Variants in SBF2 observed in about 807,000 individuals in gnomAD.
SBF2 encodes the protein myotubularin-related protein 13.
SBF2 carries 112 observed loss-of-function variants against 225.2 expected under a neutral mutation model. The observed-to-expected ratio is 0.50, with a 90% CI of 0.43 to 0.58. The LOEUF is 0.58. Ranked by LOEUF, SBF2 falls within the 20% of genes least tolerant of loss-of-function variation. The pLI, the probability that SBF2 is intolerant of heterozygous loss-of-function variation, is 0.00. For missense variants in SBF2, 1,996 were observed against 2,206.2 expected (o/e 0.90, Z 1.91); for synonymous variants, 763 against 773.3 (o/e 0.99, Z 0.22).
At chr11:10,061,797 C>G (rs879715191) in intron 2 of SBF2, among the ~76,000 whole-genome samples, 1 of 152,144 alleles carries the variant, frequency 6.6e-6, no homozygotes. Flanking sequence ...AATGCTATTC[C>G]TATCAAACTA....
At chr11:10,100,240 C>T (rs866375036) in intron 2 of SBF2, among the ~76,000 whole-genome samples, 1 of 152,226 alleles carries the variant, frequency 6.6e-6, no homozygotes. Context: ...GTGTTAATTA[C>T]TCTTTCTCTA....
intron 2 of SBF2, among the ~76,000 whole-genome samples, chr11:10,161,235 A>C (rs542113593): frequency 7.9e-5 from 12 of 151,736 alleles, no homozygotes; most frequent in Non-Finnish European, 1.5e-4. Flanking sequence ...GCAGTTTTCA[A>C]TCGTTTTTTT....
chr11:9,981,908 G>A, intron 13 of SBF2, among the ~76,000 whole-genome samples: 1 of 152,060 alleles, frequency 6.6e-6, no homozygotes, highest in East Asian at 1.9e-4. Flanking sequence ...ACTTTTCCCT[G>A]GAGGACTATA....
rs757476668 is a variant in SBF2 at position 10,129,100 on chromosome 11, C to CTTT, written c.141+64799_141+64801dup. ...TTGTTATTTGCACGCAATTTTCTCT[C>CTTT]TTTTTTTTTTTTTTTTTTTTTTTTT... On this transcript the variant is annotated intron_variant, in intron 2 of 39. Transcript: ENST00000256190. Among the ~76,000 whole-genome samples, 402 of 89,950 alleles carry CTTT rather than the reference C, an allele frequency of 4.5e-3. 2 individuals are homozygous for CTTT. Among genetic ancestry groups the CTTT allele is most frequent in the Middle Eastern group, 0.018 (2 of 110 alleles). 59.0% of individuals were successfully genotyped at this position (89,950 alleles called of 152,430 possible).
chr11:9,789,178 C>T lies in SBF2; in HGVS notation c.4863G>A (p.Arg1621=). ...LAGEAGPRSQ[R]RTVWPCYDDV... is the part of the protein sequence containing the mutation. ...CATCATAGCATGGCCACACTGTTCT[C>T]CTCTGGCTCCGTGGCCCAGCTTCTC... is the stretch of plus-strand genomic sequence containing the variant. Residue 1621 remains arginine, a synonymous_variant, in exon 35 of 40, where the codon AGG becomes AGA. Transcript: ENST00000256190. The T allele has an allele frequency of 6.2e-7, 1 of 1,614,138 alleles. No homozygotes were observed.
chr11:10,077,166 T>C (rs1179422975), intron 2 of SBF2, among the ~76,000 whole-genome samples: 1 of 152,088 alleles, frequency 6.6e-6, no homozygotes, highest in Non-Finnish European at 1.5e-5. Context: ...CACAAACAAA[T>C]GGAAGAACAT....
intron 1 of SBF2, among the ~76,000 whole-genome samples, chr11:10,261,744 G>A (rs187785015): frequency 6.6e-6 from 1 of 152,288 alleles, no homozygotes; most frequent in East Asian, 1.9e-4. Context: ...CAATAGAATG[G>A]ATATGCAAAC....
At chr11:10,145,231 T>A (rs1191154180) in intron 2 of SBF2, among the ~76,000 whole-genome samples, 1 of 152,206 alleles carries the variant, frequency 6.6e-6, no homozygotes, top group Non-Finnish European at 1.5e-5. Context: ...ATTCAAAGGC[T>A]ATGACTGCCA....
Position 9,812,622 on chromosome 11 carries a change from C to A in SBF2, c.4065G>T (p.Lys1355Asn), listed in dbSNP as rs1242854324. The change falls in exon 30 of 40, where the codon AAG becomes AAT. Residue 1355 changes from lysine (K) to asparagine (N), a missense_variant. By Grantham distance (94) the Lys-to-Asn change is moderately conservative. Transcript: ENST00000256190. The stretch of plus-strand genomic sequence containing the variant: ...TGCTTGGGATACAAGCCCTCATCAG[C>A]TTCTTAAAACTGGCTTTCACTTGCC... ...EIRQVKASFK[K>N]LMRACIPSTI... 4 of 1,614,196 alleles carry A rather than the reference C, an allele frequency of 2.5e-6. No homozygotes were observed. The highest frequency in any genetic ancestry group is 3.3e-5 in the Admixed American group (2 of 60,026).
chr11:10,029,283 A>G (rs1191724614), intron 5 of SBF2, among the ~76,000 whole-genome samples: 1 of 152,224 alleles, frequency 6.6e-6, no homozygotes, highest in Non-Finnish European at 1.5e-5. Context: ...GAAAATCTCA[A>G]GACATACAGA....
chr11:9,915,273 C>G (rs1267522734), intron 16 of SBF2, among the ~76,000 whole-genome samples: 1 of 151,712 alleles, frequency 6.6e-6, no homozygotes, highest in South Asian at 2.1e-4. Flanking sequence ...ATGGTGAAAC[C>G]CTATCTCTAC....
At position 9,924,855 on chromosome 11, in the gene SBF2, C is replaced by T. The variant is rs1045423617; in HGVS notation, c.1861-28844G>A. On this transcript the variant is annotated intron_variant, in intron 16 of 39. Transcript: ENST00000256190. Reference sequence around the variant, plus strand: ...CCTCCACCTTCCAGGCTCAGGCAATCCTCCCACCTCAGCCTCCTAAGTAGC... The same window carrying T: ...CCTCCACCTTCCAGGCTCAGGCAATTCTCCCACCTCAGCCTCCTAAGTAGC... Among the ~76,000 whole-genome samples, 4 of 152,008 alleles carry T rather than the reference C, an allele frequency of 2.6e-5. No individual in the cohort carries two copies. The East Asian group carries it at 7.7e-4, about 29-fold the overall frequency.
At chr11:9,780,741 C>T (rs1252040430) in intron 39 of SBF2, 7 of 546,352 alleles carry the variant, frequency 1.3e-5, no homozygotes, top group Admixed American at 3.0e-5. Flanking sequence ...GGGAGACACA[C>T]TGGGAGCGCC....
intron 16 of SBF2, chr11:9,959,250 A>T: frequency 1.3e-6 from 1 of 776,362 alleles, no homozygotes; most frequent in South Asian, 1.3e-5. Flanking sequence ...TCTTGACTCC[A>T]GAATACAAGC....
intron 2 of SBF2, among the ~76,000 whole-genome samples, chr11:10,059,097 C>T (rs764660323): frequency 6.6e-6 from 1 of 152,126 alleles, no homozygotes; most frequent in Non-Finnish European, 1.5e-5. Context: ...AGCAACCACA[C>T]AAACATGACA....
At chr11:10,168,369 C>A (rs1250788560) in intron 2 of SBF2, among the ~76,000 whole-genome samples, 1 of 152,162 alleles carries the variant, frequency 6.6e-6, no homozygotes, top group Non-Finnish European at 1.5e-5. Context: ...CTCTAAGTAC[C>A]TGCAAGCCAG....
chr11:9,809,093 G>T, intron 30 of SBF2, 91 bp from the exon 31 acceptor site: 1 of 908,582 alleles, frequency 1.1e-6, no homozygotes, highest in Non-Finnish European at 1.8e-6. Flanking sequence ...ATAATCAAAC[G>T]ACTTAGGGAT....
intron 28 of SBF2, among the ~76,000 whole-genome samples, chr11:9,820,246 A>G (rs902236533): frequency 6.6e-6 from 1 of 152,224 alleles, no homozygotes; most frequent in Non-Finnish European, 1.5e-5. Context: ...TGACATAACA[A>G]AAATCATTAC....
chr11:10,001,564 G>A lies in SBF2; in HGVS notation c.753-542C>T, dbSNP rs541534851. 4.4e-3 allele frequency among the ~76,000 whole-genome samples: 668 copies of A among 150,458 alleles called. 4 individuals carry two copies. The highest frequency in any genetic ancestry group is 5.3e-3 in the South Asian group (25 of 4,746). ...TTTTGAGATGGAGTCTCACGCTGTC[G>A]CCCAGGCTGGAGTGTAGTGGTGCGA... is the stretch of plus-strand genomic sequence containing the variant. On this transcript the variant is annotated intron_variant, in intron 7 of 39. Coordinates refer to ENST00000256190, the MANE Select transcript of SBF2 (RefSeq NM_030962.4).
Sources: gnomAD v4.1 joint callset for allele counts (sites outside exome capture counted in the v4.1 genomes callset) on GRCh38, gnomAD v4.1.1 for gene constraint, MANE v1.5 for transcripts, NCBI Gene and HGNC (gene_info 2026-07-23, HGNC 2026-07-21) for gene names.